Variants in ADCY2 observed in about 807,000 individuals in gnomAD.
ADCY2 encodes adenylate cyclase type 2.
Under a neutral mutation model 125.2 loss-of-function variants are expected in ADCY2, and 31 were observed. The ratio of observed to expected loss-of-function variants is 0.25; its 90% CI spans 0.19 to 0.33. ADCY2 has a LOEUF of 0.33. Among genes scored for constraint, ADCY2 ranks in the 10% least tolerant of loss-of-function variants. The pLI, the probability that ADCY2 is intolerant of heterozygous loss-of-function variation, is 1.00. For missense variants in ADCY2, 904 were observed against 1,418.2 expected (o/e 0.64, Z 5.82); for synonymous variants, 512 against 548.4 (o/e 0.93, Z 0.93).
At chr5:7,518,838 CTG>C (rs2126529895) in intron 2 of ADCY2, among the ~76,000 whole-genome samples, 1 of 152,310 alleles carries the variant, frequency 6.6e-6, no homozygotes. Context: ...AGGACGCAGA[CTG>C]TGAGATGACA....
In ADCY2 at chr5:7,691,016, T is replaced by A. The variant is rs542415049; in HGVS notation, c.869+177T>A. The A allele has an allele frequency of 1.1e-5, 7 of 618,512 alleles. No individual in the cohort carries two copies. The African/African-American group carries it at 1.3e-4, about 12-fold the overall frequency. 38.3% of individuals were successfully genotyped at this position (618,512 alleles called of 1,614,324 possible). A position where few individuals can be genotyped will look rare whatever the true frequency, so the allele number is the denominator to read the frequency against. On this transcript the variant is annotated intron_variant, in intron 5 of 24. Coordinates refer to ENST00000338316, the MANE Select transcript of ADCY2 (RefSeq NM_020546.3). Reference sequence around the variant, plus strand: ...CACCTGTTCCTGCCTCTCAGGGCCTTCACATTAAGATGAGAAAATAGGATG... The same window carrying A: ...CACCTGTTCCTGCCTCTCAGGGCCTACACATTAAGATGAGAAAATAGGATG...
intron 2 of ADCY2, among the ~76,000 whole-genome samples, chr5:7,513,106 C>CACACACACAGAG (rs777343291): frequency 4.0e-4 from 56 of 138,546 alleles, no homozygotes; most frequent in Non-Finnish European, 7.4e-4. Context: ...CACACACACA[C>CACACACACAGAG]AGAGAGAGAG....
intron 16 of ADCY2, 32 bp from the exon 17 acceptor site, chr5:7,766,655 T>C: frequency 6.2e-7 from 1 of 1,610,174 alleles, no homozygotes; most frequent in African/African-American, 1.3e-5. Flanking sequence ...CTAATTTACA[T>C]TAATTCATTG....
intron 3 of ADCY2, among the ~76,000 whole-genome samples, chr5:7,613,040 A>T (rs972444904): frequency 2.0e-5 from 3 of 151,986 alleles, no homozygotes; most frequent in Non-Finnish European, 4.4e-5. Context: ...TCAAAAAAAT[A>T]TATATATACC....
intron 22 of ADCY2, among the ~76,000 whole-genome samples, chr5:7,811,848 C>T (rs144255862): frequency 5.2e-4 from 79 of 152,342 alleles, no homozygotes; most frequent in African/African-American, 1.9e-3. Context: ...ACAGGAAACA[C>T]TTGCTGTCCA....
chr5:7,682,938 A>C (rs2126716296), intron 4 of ADCY2, among the ~76,000 whole-genome samples: 1 of 152,338 alleles, frequency 6.6e-6, no homozygotes, highest in East Asian at 1.9e-4. Context: ...TTTTAGAGAC[A>C]TGACCTCTGG....
At chr5:7,593,847 G>T (rs1158667337) in intron 3 of ADCY2, among the ~76,000 whole-genome samples, 1 of 152,112 alleles carries the variant, frequency 6.6e-6, no homozygotes, top group Non-Finnish European at 1.5e-5. Context: ...TCTGTAAGAA[G>T]AAAAGTAAAG....
chr5:7,722,829 G>A (rs939548604), intron 12 of ADCY2, among the ~76,000 whole-genome samples: 5 of 151,798 alleles, frequency 3.3e-5, no homozygotes. Flanking sequence ...GCATGCTGGT[G>A]TGCACCTGTA....
At chr5:7,578,915 G>A (rs961294032) in intron 3 of ADCY2, among the ~76,000 whole-genome samples, 2 of 152,252 alleles carry the variant, frequency 1.3e-5, no homozygotes, top group Admixed American at 6.5e-5. Flanking sequence ...CCCAGACAGC[G>A]TGCTGGGTTA....
At chr5:7,761,062 C>T (rs1382426112) in intron 16 of ADCY2, among the ~76,000 whole-genome samples, 1 of 151,512 alleles carries the variant, frequency 6.6e-6, no homozygotes, top group Admixed American at 6.6e-5. Flanking sequence ...TATGTTGTTG[C>T]AAATGACAAG....
intron 4 of ADCY2, among the ~76,000 whole-genome samples, chr5:7,655,586 G>A (rs776883019): frequency 2.0e-5 from 3 of 152,120 alleles, no homozygotes; most frequent in Non-Finnish European, 2.9e-5. Context: ...GACGGTGGTC[G>A]CTCACACTGG....
intron 18 of ADCY2, among the ~76,000 whole-genome samples, chr5:7,776,781 T>A (rs1038875103): frequency 6.6e-6 from 1 of 152,200 alleles, no homozygotes; most frequent in Non-Finnish European, 1.5e-5. Flanking sequence ...CTGGCTCTTA[T>A]GGTTTTCATC....
intron 2 of ADCY2, among the ~76,000 whole-genome samples, chr5:7,501,645 C>CT (rs1561060340): frequency 6.7e-5 from 5 of 74,122 alleles, no homozygotes; most frequent in African/African-American, 9.7e-5. Context: ...AGATTCCCCC[C>CT]TCCCCCCCCC....
intron 2 of ADCY2, among the ~76,000 whole-genome samples, chr5:7,493,392 G>A (rs1251963978): frequency 6.6e-6 from 1 of 150,840 alleles, no homozygotes; most frequent in Non-Finnish European, 1.5e-5. Flanking sequence ...AAGAGGACAG[G>A]GGAGTGAAGG....
chr5:7,709,301 T>C lies in ADCY2; in HGVS notation c.1492T>C (p.Leu498=). 2 of 1,613,922 alleles carry C rather than the reference T, an allele frequency of 1.2e-6. No homozygotes were observed. Among genetic ancestry groups the C allele is most frequent in the Non-Finnish European group, 1.7e-6 (2 of 1,179,946 alleles). Residue 498 remains leucine (L), a synonymous_variant, in exon 10 of 25, where the codon TTG becomes CTG. Coordinates refer to ENST00000338316, the MANE Select transcript of ADCY2 (RefSeq NM_020546.3). This position sits in a 1 kb window ranked among gnomAD's most constrained non-coding sequence, Gnocchi z 4.4. ...GGCCTCGGTCCGCATGACCCGGTACTTGGAGTCCTGGGGGGCAGCCAAGCC... is the reference window on the plus strand; with the variant it reads ...GGCCTCGGTCCGCATGACCCGGTACCTGGAGTCCTGGGGGGCAGCCAAGCC... ...MRASVRMTRY[L]ESWGAAKPFA...
At chr5:7,463,806 C>T (rs1482754201) in intron 2 of ADCY2, among the ~76,000 whole-genome samples, 1 of 152,012 alleles carries the variant, frequency 6.6e-6, no homozygotes, top group East Asian at 1.9e-4. Flanking sequence ...TTCTTGGAGA[C>T]AGTGGTTTCA....
intron 4 of ADCY2, among the ~76,000 whole-genome samples, chr5:7,661,787 A>T (rs1484367110): frequency 2.6e-5 from 4 of 152,236 alleles, no homozygotes; most frequent in African/African-American, 9.6e-5. Flanking sequence ...TTTAAGACTC[A>T]TTGAATCTTT....
At chr5:7,778,116 A>T (rs1400007806) in intron 18 of ADCY2, among the ~76,000 whole-genome samples, 1 of 152,192 alleles carries the variant, frequency 6.6e-6, no homozygotes, top group Non-Finnish European at 1.5e-5. Flanking sequence ...AGCTGTTGAG[A>T]CACCAACTGC....
chr5:7,809,019 A>G (rs1313916778), intron 22 of ADCY2, among the ~76,000 whole-genome samples: 4 of 149,654 alleles, frequency 2.7e-5, no homozygotes, highest in Admixed American at 6.7e-5. Flanking sequence ...TACGCATGAA[A>G]TGGTGATCAC....
Sources: allele counts gnomAD v4.1 joint callset (sites outside exome capture counted in the v4.1 genomes callset), GRCh38; gene constraint gnomAD v4.1.1; non-coding constraint Gnocchi (gnomAD v3.1); transcripts MANE v1.5; gene names NCBI Gene and HGNC (gene_info 2026-07-23, HGNC 2026-07-21).